RALGAPA1: variants seen among roughly 807,000 people sequenced by gnomAD.
The protein encoded by RALGAPA1 is Ral GTPase activating protein catalytic subunit alpha 1, also known as ral GTPase-activating protein subunit alpha-1.
Under a neutral mutation model 269.6 loss-of-function variants are expected in RALGAPA1, and 52 were observed. The observed-to-expected ratio is 0.19, with a 90% CI of 0.15 to 0.24. The LOEUF is 0.24. RALGAPA1 is among the 10% of genes least tolerant of loss of function. The pLI is 1.00. For missense variants in RALGAPA1, 1,917 were observed against 3,013.9 expected (o/e 0.64, Z 8.52); for synonymous variants, 817 against 1,008.3 (o/e 0.81, Z 3.60).
intron 26 of RALGAPA1, among the ~76,000 whole-genome samples, chr14:35,668,687 T>A (rs1402442975): frequency 6.6e-6 from 1 of 151,998 alleles, no homozygotes; most frequent in Non-Finnish European, 1.5e-5. Flanking sequence ...GTGCCTATAG[T>A]CTCAGCTACT....
intron 39 of RALGAPA1, among the ~76,000 whole-genome samples, chr14:35,554,338 C>CTTTTTTTT (rs869302363): frequency 1.9e-4 from 16 of 85,766 alleles, no homozygotes; most frequent in Admixed American, 6.2e-4. Context: ...AATACACTTT[C>CTTTTTTTT]TTTTTTTTTT....
intron 8 of RALGAPA1, among the ~76,000 whole-genome samples, chr14:35,751,423 C>T (rs537827815): frequency 2.6e-5 from 4 of 152,214 alleles, no homozygotes; most frequent in Admixed American, 6.5e-5. Flanking sequence ...AATTTACAAT[C>T]GCAAATATTT....
At chr14:35,637,906 T>C (rs1469835869) in intron 31 of RALGAPA1, among the ~76,000 whole-genome samples, 1 of 151,558 alleles carries the variant, frequency 6.6e-6, no homozygotes, top group Non-Finnish European at 1.5e-5. Flanking sequence ...CAGGAGAGAA[T>C]GGCATGACAT....
chr14:35,631,007 A>G (rs2061327754), intron 33 of RALGAPA1, among the ~76,000 whole-genome samples: 1 of 152,190 alleles, frequency 6.6e-6, no homozygotes, highest in African/African-American at 2.4e-5. Flanking sequence ...CTTTAATTCA[A>G]TCCTTCATTT....
At chr14:35,725,879 A>T (rs1219307970) in intron 13 of RALGAPA1, among the ~76,000 whole-genome samples, 1 of 152,140 alleles carries the variant, frequency 6.6e-6, no homozygotes, top group Non-Finnish European at 1.5e-5. Context: ...GCAGTTTTTT[A>T]ATCTTTTTTT....
chr14:35,554,401 C>A (rs902480648), intron 39 of RALGAPA1, among the ~76,000 whole-genome samples: 4 of 125,508 alleles, frequency 3.2e-5, no homozygotes, highest in Middle Eastern at 0.012. Context: ...GGCTGGAGTG[C>A]AGTGGCGGGA....
intron 39 of RALGAPA1, among the ~76,000 whole-genome samples, chr14:35,565,275 G>A (rs1594606072): frequency 6.6e-6 from 1 of 150,448 alleles, no homozygotes; most frequent in Non-Finnish European, 1.5e-5. Context: ...TGGGTCATGG[G>A]ACCCAGTTTT....
intron 26 of RALGAPA1, among the ~76,000 whole-genome samples, chr14:35,669,329 A>C (rs1193558002): frequency 6.6e-6 from 1 of 152,040 alleles, no homozygotes; most frequent in Non-Finnish European, 1.5e-5. Flanking sequence ...ATCTCGGCTC[A>C]CTGCAAACTC....
intron 24 of RALGAPA1, among the ~76,000 whole-genome samples, chr14:35,673,946 T>C (rs1003756962): frequency 6.6e-6 from 1 of 152,188 alleles, no homozygotes; most frequent in Non-Finnish European, 1.5e-5. Flanking sequence ...TTAAATACAA[T>C]ACAGACATAC....
At chr14:35,569,766 C>A (rs2057019724) in intron 39 of RALGAPA1, among the ~76,000 whole-genome samples, 1 of 152,146 alleles carries the variant, frequency 6.6e-6, no homozygotes, top group Non-Finnish European at 1.5e-5. Flanking sequence ...ACCACTCCAT[C>A]CAGGTGAGTG....
At chr14:35,705,155 C>G (rs186048124) in intron 16 of RALGAPA1, among the ~76,000 whole-genome samples, 1 of 152,168 alleles carries the variant, frequency 6.6e-6, no homozygotes, top group East Asian at 1.9e-4. Context: ...TTAACAAGCT[C>G]ATATTGATAC....
intron 22 of RALGAPA1, chr14:35,676,501 G>C (rs528445969): frequency 1.3e-5 from 2 of 152,340 alleles, no homozygotes; most frequent in Non-Finnish European, 2.9e-5. Flanking sequence ...CGTGAGCCAC[G>C]GTGCCCAGCC....
chr14:35,735,090 G>A (rs1447183346), intron 12 of RALGAPA1, among the ~76,000 whole-genome samples: 2 of 151,828 alleles, frequency 1.3e-5, no homozygotes, highest in African/African-American at 4.8e-5. Context: ...TGGTCATCAG[G>A]GAACACTTTT....
At chr14:35,715,864 C>T (rs1181631736) in intron 16 of RALGAPA1, 1 of 985,292 alleles carries the variant, frequency 1.0e-6, no homozygotes. Flanking sequence ...AGTGTGCTTA[C>T]TGCTCATCAC....
rs143028167 is a variant in RALGAPA1, at chr14:35,653,449, C to G, written c.5607+918G>C. On this transcript the variant is annotated intron_variant, in intron 30 of 41. Transcript: ENST00000680220. ...AGATGAGGGCACTAGAGAAGAGAAGCAAAGCATTTCAGCTAGGAGGAAGAA... is the reference window on the plus strand; with the variant it reads ...AGATGAGGGCACTAGAGAAGAGAAGGAAAGCATTTCAGCTAGGAGGAAGAA... Among the ~76,000 whole-genome samples, 778 of 152,124 alleles carry G rather than the reference C, an allele frequency of 5.1e-3. 3 individuals carry two copies. The highest frequency in any genetic ancestry group is 0.018 in the African/African-American group (743 of 41,506).
chr14:35,539,589 T>C lies in RALGAPA1; in HGVS notation c.*125A>G, dbSNP rs2053775775. 2 of 1,613,628 alleles carry C rather than the reference T, an allele frequency of 1.2e-6. No individual in the cohort carries two copies. Among genetic ancestry groups the C allele is most frequent in the Non-Finnish European group, 8.5e-7 (1 of 1,180,018 alleles). On this transcript the variant is annotated 3_prime_UTR_variant, in exon 42 of 42. Coordinates refer to ENST00000680220, the MANE Select transcript of RALGAPA1 (RefSeq NM_001346249.2). ...GAGGAACGACGCAGCTTCATGGACA[T>C]GCGGCTTTTGCTAGTTCGAGGAGAC... is the stretch of plus-strand genomic sequence containing the variant.
At chr14:35,559,339 CT>C (rs2139261163) in intron 39 of RALGAPA1, among the ~76,000 whole-genome samples, 1 of 152,234 alleles carries the variant, frequency 6.6e-6, no homozygotes, top group African/African-American at 2.4e-5. Context: ...TTCTTCTTTG[CT>C]CTTTGAAATC....
At position 35,743,914 on chromosome 14, in the gene RALGAPA1, T is replaced by C. The variant is rs971586049; in HGVS notation, c.1252-1349A>G. ...TTCTGGGATCTTAAAAAAAATATTT[T>C]CCTTATCACAAATACACATTTTCAT... is the stretch of plus-strand genomic sequence containing the variant. On this transcript the variant is annotated intron_variant, in intron 10 of 41. Coordinates refer to ENST00000680220, the MANE Select transcript of RALGAPA1 (RefSeq NM_001346249.2). Among the ~76,000 whole-genome samples the C allele has an allele frequency of 2.0e-5, 3 of 152,116 alleles. No homozygotes were observed. In the South Asian group the frequency reaches 6.2e-4, roughly 31 times the overall value.
At chr14:35,725,961 A>G (rs1409571242) in intron 13 of RALGAPA1, among the ~76,000 whole-genome samples, 1 of 152,218 alleles carries the variant, frequency 6.6e-6, no homozygotes, top group Admixed American at 6.5e-5. Context: ...GCTTATTATT[A>G]AAACCATAAA....
Sources: gnomAD v4.1 joint callset for allele counts (sites outside exome capture counted in the v4.1 genomes callset) on GRCh38, gnomAD v4.1.1 for gene constraint, MANE v1.5 for transcripts, NCBI Gene and HGNC (gene_info 2026-07-23, HGNC 2026-07-21) for gene names.